IGSF10: variants seen among roughly 807,000 people sequenced by gnomAD.
The protein encoded by IGSF10 is immunoglobulin superfamily member 10.
IGSF10 carries 126 observed loss-of-function variants against 128.2 expected under a neutral mutation model. The ratio of observed to expected loss-of-function variants is 0.98; its 90% CI spans 0.85 to 1.14. IGSF10 has a LOEUF of 1.14. IGSF10 is among the 50% of genes most tolerant of loss of function. The pLI, the probability that IGSF10 is intolerant of heterozygous loss-of-function variation, is 0.00. For missense variants in IGSF10, 3,295 were observed against 3,149.8 expected (o/e 1.05, Z -1.10); for synonymous variants, 1,185 against 1,146.2 (o/e 1.03, Z -0.68).
the IGSF10 span, among the ~76,000 whole-genome samples, chr3:151,500,653 G>A: frequency 6.6e-6 from 1 of 152,008 alleles, no homozygotes; most frequent in Non-Finnish European, 1.5e-5. Flanking sequence ...TGAAGAAATC[G>A]AGACTCAAAA....
the IGSF10 span, among the ~76,000 whole-genome samples, chr3:151,528,420 C>A: frequency 1.3e-5 from 2 of 152,158 alleles, no homozygotes; most frequent in African/African-American, 4.8e-5. Flanking sequence ...GGCATGATGG[C>A]AGAATAGGAA....
chr3:151,437,948 G>A lies in IGSF10; in HGVS notation c.6613C>T (p.Leu2205=), dbSNP rs1454284022. The change falls in exon 8 of 8, where the codon CTG becomes TTG. Residue 2205 remains leucine (L), a synonymous_variant. Coordinates refer to ENST00000282466, the MANE Select transcript of IGSF10 (RefSeq NM_178822.5). The stretch of plus-strand genomic sequence containing the variant: ...CATACGTACTCTCCAGAATCGAGCA[G>A]TTTCACTTTGTTGATGGTCAAAGAC... ...NGSLTINKVK[L]LDSGEYVCVA... is the part of the protein sequence containing the mutation. The A allele has an allele frequency of 6.2e-7, 1 of 1,614,226 alleles. No homozygotes were observed. Among genetic ancestry groups the A allele is most frequent in the Admixed American group, 1.7e-5 (1 of 60,036 alleles).
In IGSF10 at chr3:151,448,880, A is replaced by G. The variant is rs146739210; in HGVS notation, c.1101T>C (p.Asp367=). ...SFSTFLVCNI[D]YGHIQPVWQI... ...GCCACACTGGCTGAATGTGACCGTA[A>G]TCTATGTTGCACACCAAAAATGTTG... Residue 367 remains aspartate (D), a synonymous_variant, in exon 6 of 8, where the codon GAT becomes GAC. Coordinates refer to ENST00000282466, the MANE Select transcript of IGSF10 (RefSeq NM_178822.5). 5 of 1,614,226 alleles carry G rather than the reference A, an allele frequency of 3.1e-6. No individual in the cohort carries two copies. In the East Asian group the frequency reaches 1.1e-4, roughly 36 times the overall value.
At chr3:151,520,290 G>A in the IGSF10 span, among the ~76,000 whole-genome samples, 4 of 151,758 alleles carry the variant, frequency 2.6e-5, no homozygotes, top group Admixed American at 2.6e-4. Context: ...ACCTACCAAA[G>A]TATATTTAAG....
chr3:151,438,527 C>A lies in IGSF10; in HGVS notation c.6034G>T (p.Gly2012Cys). ...TTTCTTGCCACACACAAGTAGACAC[C>A]ACTGTCTTTTTCTGTTACTGATCCA... ...FIGSVTEKDS[G>C]VYLCVARNKM... The change falls in exon 8 of 8, where the codon GGT (glycine) becomes TGT (cysteine). Residue 2012 changes from glycine to cysteine, a missense_variant. Transcript: ENST00000282466. The A allele has an allele frequency of 1.2e-6, 2 of 1,613,994 alleles. No individual in the cohort carries two copies. The highest frequency in any genetic ancestry group is 1.7e-6 in the Non-Finnish European group (2 of 1,180,008).
chr3:151,484,482 T>C, the IGSF10 span, among the ~76,000 whole-genome samples: 1 of 152,178 alleles, frequency 6.6e-6, no homozygotes, highest in African/African-American at 2.4e-5. Flanking sequence ...AGTGGGTCCC[T>C]GACCCCTGTG....
At chr3:151,572,738 T>C in the IGSF10 span, among the ~76,000 whole-genome samples, 2,564 of 152,294 alleles carry the variant, frequency 0.017, 66 homozygotes, top group African/African-American at 0.058. Context: ...GCTCTCATCT[T>C]AGTTATTTCT....
the IGSF10 span, among the ~76,000 whole-genome samples, chr3:151,527,971 C>G: frequency 6.6e-6 from 1 of 152,068 alleles, no homozygotes; most frequent in African/African-American, 2.4e-5. Flanking sequence ...AAATTGAAAC[C>G]TGGGTTCAGA....
At chr3:151,537,922 A>C in the IGSF10 span, among the ~76,000 whole-genome samples, 1 of 152,164 alleles carries the variant, frequency 6.6e-6, no homozygotes, top group African/African-American at 2.4e-5. Context: ...CTGTTCCCCA[A>C]GATGTAGTTT....
chr3:151,449,678 C>G lies in IGSF10; in HGVS notation c.716-413G>C, dbSNP rs148173837. Among the ~76,000 whole-genome samples, 225 of 152,294 alleles carry G rather than the reference C, an allele frequency of 1.5e-3. 1 individual carries two copies. Among genetic ancestry groups the G allele is most frequent in the African/African-American group, 5.0e-3 (209 of 41,562 alleles). Reference sequence around the variant, plus strand: ...ATTTTAAGATGGCCACAGGACCTCACTGTTCTTTAAAAGATAAGCTGTTTA... The same window carrying G: ...ATTTTAAGATGGCCACAGGACCTCAGTGTTCTTTAAAAGATAAGCTGTTTA... On this transcript the variant is annotated intron_variant, in intron 5 of 7. Coordinates refer to ENST00000282466, the MANE Select transcript of IGSF10 (RefSeq NM_178822.5).
the IGSF10 span, among the ~76,000 whole-genome samples, chr3:151,541,107 C>A: frequency 6.6e-6 from 1 of 152,246 alleles, no homozygotes; most frequent in East Asian, 1.9e-4. Context: ...AAAAAACAAA[C>A]CTTAAAATAC....
chr3:151,498,878 G>A, the IGSF10 span, among the ~76,000 whole-genome samples: 3 of 151,948 alleles, frequency 2.0e-5, no homozygotes, highest in South Asian at 2.1e-4. Flanking sequence ...TCAAAGTTTC[G>A]CTCAATACAG....
At chr3:151,518,619 C>T in the IGSF10 span, among the ~76,000 whole-genome samples, 1 of 151,922 alleles carries the variant, frequency 6.6e-6, no homozygotes, top group African/African-American at 2.4e-5. Context: ...ATGGATATAA[C>T]TCTGATTTCT....
In IGSF10 at chr3:151,447,775, G is replaced by A. The variant is rs374899455; in HGVS notation, c.2206C>T (p.Arg736Cys). Reference protein sequence around the residue: ...LQRRGDSTHRRFRENRRHFPP... With the variant: ...LQRRGDSTHRCFRENRRHFPP... ...AAATGCCTCCTATTCTCCCTAAAAC[G>A]TCGATGTGTTGAATCTCCACGTCGC... is the stretch of plus-strand genomic sequence containing the variant. Residue 736 changes from arginine (R) to cysteine (C), a missense_variant, in exon 6 of 8, where the codon CGT (arginine) becomes TGT (cysteine). Physicochemically the swap from Arg to Cys is radical, Grantham distance 180 (BLOSUM62 -3). Transcript: ENST00000282466. 4.3e-5 allele frequency: 70 copies of A among 1,614,002 alleles called. No individual in the cohort carries two copies. Among genetic ancestry groups the A allele is most frequent in the Admixed American group, 2.0e-4 (12 of 59,994 alleles).
the IGSF10 span, among the ~76,000 whole-genome samples, chr3:151,525,045 A>G: frequency 2.9e-5 from 2 of 68,290 alleles, no homozygotes; most frequent in African/African-American, 6.0e-5. Flanking sequence ...TTTTTTTTTT[A>G]AAGAGAGCCT....
At chr3:151,492,903 A>G in the IGSF10 span, among the ~76,000 whole-genome samples, 1 of 152,144 alleles carries the variant, frequency 6.6e-6, no homozygotes, top group African/African-American at 2.4e-5. Flanking sequence ...TGATAAAGGA[A>G]ATGTGAGATA....
At chr3:151,432,667 A>G, downstream of IGSF10, 1 of 956,238 alleles carries the variant, frequency 1.0e-6, no homozygotes, top group South Asian at 1.4e-5. Context: ...TGCAGCTGGT[A>G]CTGAGAGCAG....
rs913469045 is a variant in IGSF10, at chr3:151,448,614, G to A, written c.1367C>T (p.Ala456Val). 1 of 1,613,850 alleles carries A rather than the reference G, an allele frequency of 6.2e-7. No individual in the cohort carries two copies. Among genetic ancestry groups the A allele is most frequent in the African/African-American group, 1.3e-5 (1 of 74,926 alleles). Residue 456 changes from alanine to valine, a missense_variant, in exon 6 of 8, where the codon GCT (alanine) becomes GTT (valine). Transcript: ENST00000282466. ...STLQIQYSSD[A>V]QITLPRAEMR... ...CTCTGCTCTTGGTAAAGTGATTTGAGCATCACTGGAGTACTGGATCTGTAA... is the reference window on the plus strand; with the variant it reads ...CTCTGCTCTTGGTAAAGTGATTTGAACATCACTGGAGTACTGGATCTGTAA...
the IGSF10 span, among the ~76,000 whole-genome samples, chr3:151,590,583 A>C: frequency 6.6e-6 from 1 of 152,334 alleles, no homozygotes; most frequent in East Asian, 1.9e-4. Flanking sequence ...GAGTAAGATA[A>C]ATTTACCATG....
Sources: gnomAD v4.1 joint callset for allele counts (sites outside exome capture counted in the v4.1 genomes callset) on GRCh38, gnomAD v4.1.1 for gene constraint, MANE v1.5 for transcripts, NCBI Gene and HGNC (gene_info 2026-07-23, HGNC 2026-07-21) for gene names.